SORCS3: variants seen among roughly 807,000 people sequenced by gnomAD.
SORCS3 encodes the protein VPS10 domain-containing receptor SorCS3.
Under a neutral mutation model 146.3 loss-of-function variants are expected in SORCS3, and 57 were observed. That is an observed-to-expected ratio of 0.39 (90% CI 0.31 to 0.49). The LOEUF (loss-of-function observed/expected upper bound fraction) is 0.49, where lower values mean the gene tolerates loss of function less well. Among genes scored for constraint, SORCS3 ranks in the 20% least tolerant of loss-of-function variants. The probability of loss-of-function intolerance (pLI) is 0.92; values close to 1 mark genes in which losing one functional copy is unlikely to be tolerated. For synonymous variants in SORCS3, 653 were observed against 618.5 expected (o/e 1.06, Z -0.83); for missense variants, 1,341 against 1,575.5 (o/e 0.85, Z 2.52).
chr10:104,741,134 ATTTTTTTTTT>A (rs34447542), intron 1 of SORCS3, among the ~76,000 whole-genome samples: 2 of 104,900 alleles, frequency 1.9e-5, no homozygotes, highest in Non-Finnish European at 3.7e-5. Flanking sequence ...GATAATTTAA[ATTTTTTTTTT>A]TTTTTTTTTT....
At chr10:104,974,920 G>T (rs1251121289) in intron 3 of SORCS3, among the ~76,000 whole-genome samples, 1 of 152,042 alleles carries the variant, frequency 6.6e-6, no homozygotes, top group South Asian at 2.1e-4. Context: ...GCATTTGCTT[G>T]TCTGTAAAGT....
chr10:104,801,163 G>C (rs1439240509), intron 1 of SORCS3, among the ~76,000 whole-genome samples: 1 of 152,178 alleles, frequency 6.6e-6, no homozygotes, highest in Non-Finnish European at 1.5e-5. Flanking sequence ...GTGTGACTTA[G>C]GGAATGTCAC....
At chr10:105,132,232 T>C (rs562120255) in intron 7 of SORCS3, among the ~76,000 whole-genome samples, 2 of 152,152 alleles carry the variant, frequency 1.3e-5, no homozygotes, top group Non-Finnish European at 2.9e-5. Context: ...TACACAGGAA[T>C]GGTTGGCATA....
intron 3 of SORCS3, among the ~76,000 whole-genome samples, chr10:104,969,666 C>T (rs1373298710): frequency 6.6e-6 from 1 of 152,098 alleles, no homozygotes; most frequent in Non-Finnish European, 1.5e-5. Flanking sequence ...TAAAAATGTA[C>T]TCTCACCAAC....
At chr10:105,013,313 T>C (rs1368438183) in intron 4 of SORCS3, among the ~76,000 whole-genome samples, 1 of 152,060 alleles carries the variant, frequency 6.6e-6, no homozygotes, top group Non-Finnish European at 1.5e-5. Flanking sequence ...CATTACAAAC[T>C]CTTTTAAAAT....
intron 20 of SORCS3, among the ~76,000 whole-genome samples, chr10:105,224,293 G>A (rs2056721473): frequency 1.3e-5 from 2 of 152,248 alleles, no homozygotes; most frequent in South Asian, 4.1e-4. Context: ...TACTGTCTCT[G>A]TAGTTTTGCC....
At chr10:105,048,803 T>C (rs2133708945) in intron 5 of SORCS3, among the ~76,000 whole-genome samples, 1 of 152,252 alleles carries the variant, frequency 6.6e-6, no homozygotes, top group African/African-American at 2.4e-5. Flanking sequence ...TTTGTATGCA[T>C]ATGTTCTTTT....
At chr10:105,157,586 T>G (rs1281129942) in intron 10 of SORCS3, among the ~76,000 whole-genome samples, 1 of 152,218 alleles carries the variant, frequency 6.6e-6, no homozygotes, top group East Asian at 1.9e-4. Flanking sequence ...TCAGTAGTAG[T>G]AATACATCTA....
At chr10:104,862,251 A>G (rs7086583) in intron 2 of SORCS3, among the ~76,000 whole-genome samples, 4 of 152,094 alleles carry the variant, frequency 2.6e-5, no homozygotes, top group African/African-American at 4.8e-5. Context: ...CATGGACCAC[A>G]GGATCTTTGC....
intron 14 of SORCS3, 90 bp from the exon 15 acceptor site, chr10:105,199,909 A>G: frequency 3.5e-6 from 3 of 850,618 alleles, no homozygotes; most frequent in African/African-American, 1.7e-5. Flanking sequence ...GCTGCAGTGA[A>G]TCTCTATCTC....
chr10:105,153,641 GTGTA>G (rs140460506), intron 9 of SORCS3, among the ~76,000 whole-genome samples: 13 of 123,642 alleles, frequency 1.1e-4, no homozygotes, highest in Middle Eastern at 3.8e-3. Flanking sequence ...GAGAGTGTGT[GTGTA>G]TGTGTGTGTG....
At chr10:105,017,145 AT>A (rs34734862) in intron 4 of SORCS3, among the ~76,000 whole-genome samples, 115 of 146,962 alleles carry the variant, frequency 7.8e-4, no homozygotes, top group Admixed American at 1.2e-3. Context: ...AATGAAGGGG[AT>A]TTTTTTTTTT....
intron 2 of SORCS3, among the ~76,000 whole-genome samples, chr10:104,890,018 A>T (rs1178376251): frequency 6.6e-6 from 1 of 152,030 alleles, no homozygotes; most frequent in Non-Finnish European, 1.5e-5. Flanking sequence ...TATCATTTAC[A>T]TTGTTTCTAT....
At chr10:104,756,875 T>G (rs1368051842) in intron 1 of SORCS3, among the ~76,000 whole-genome samples, 2 of 152,110 alleles carry the variant, frequency 1.3e-5, no homozygotes, top group Non-Finnish European at 2.9e-5. Context: ...CTTGGGTTAG[T>G]GATTTCTGGG....
At chr10:104,947,545 G>A (rs545507933) in intron 3 of SORCS3, among the ~76,000 whole-genome samples, 147 of 152,124 alleles carry the variant, frequency 9.7e-4, no homozygotes, top group Non-Finnish European at 1.8e-3. Context: ...CATCATCCGC[G>A]CAGGCTCAGA....
At position 105,045,471 on chromosome 10, in the gene SORCS3, G is replaced by T. The variant is rs552678359; in HGVS notation, c.1028+2343G>T. On this transcript the variant is annotated intron_variant, in intron 5 of 26. Transcript: ENST00000369701. ...TCCATTTCTGATATATAATTACCGC[G>T]ATTATTCTTTTAGGTGTCGTGTGAG... Among the ~76,000 whole-genome samples, 397 of 152,046 alleles carry T rather than the reference G, an allele frequency of 2.6e-3. 2 individuals carry two copies. Among genetic ancestry groups the T allele is most frequent in the African/African-American group, 8.9e-3 (371 of 41,476 alleles).
chr10:105,025,837 A>AACACACACACACAC lies in SORCS3; in HGVS notation c.955-17187_955-17174dup, dbSNP rs57597161. Among the ~76,000 whole-genome samples the AACACACACACACAC allele has an allele frequency of 7.2e-3, 978 of 135,474 alleles. 14 individuals are homozygous for AACACACACACACAC. The highest frequency in any genetic ancestry group is 0.024 in the African/African-American group (851 of 35,810). 88.9% of individuals were successfully genotyped at this position (135,474 alleles called of 152,430 possible). The stretch of plus-strand genomic sequence containing the variant: ...ACTGCTTTATAATTATGTCTTCTCA[A>AACACACACACACAC]ACACACACACACACACACACACACA... On this transcript the variant is annotated intron_variant, in intron 4 of 26. Coordinates refer to ENST00000369701, the MANE Select transcript of SORCS3 (RefSeq NM_014978.3).
chr10:104,662,537 C>T (rs928213822), intron 1 of SORCS3, among the ~76,000 whole-genome samples: 1 of 152,206 alleles, frequency 6.6e-6, no homozygotes, highest in Non-Finnish European at 1.5e-5. Context: ...TGATGAGTTA[C>T]AGAGCCCACT....
intron 1 of SORCS3, among the ~76,000 whole-genome samples, chr10:104,761,730 A>G (rs2017124259): frequency 6.6e-6 from 1 of 152,116 alleles, no homozygotes; most frequent in African/African-American, 2.4e-5. Context: ...GATTATTGTC[A>G]TTGAAGTGAG....
Sources: gnomAD v4.1 joint callset for allele counts (sites outside exome capture counted in the v4.1 genomes callset) on GRCh38, gnomAD v4.1.1 for gene constraint, MANE v1.5 for transcripts, NCBI Gene and HGNC (gene_info 2026-07-23, HGNC 2026-07-21) for gene names.